Variants in EPHX4 observed in about 807,000 individuals in gnomAD.
EPHX4 encodes the protein epoxide hydrolase 4.
Under a neutral mutation model 44.9 loss-of-function variants are expected in EPHX4, and 31 were observed. The observed-to-expected ratio is 0.69, with a 90% confidence interval of 0.52 to 0.93. The LOEUF is 0.93. Among genes scored for constraint, EPHX4 ranks in the 40% least tolerant of loss-of-function variants. The pLI is 0.00. For missense variants in EPHX4, 373 were observed against 438.1 expected, an observed-to-expected ratio of 0.85 and a Z score of 1.33; for synonymous variants, 151 against 159.7, an observed-to-expected ratio of 0.95 and a Z score of 0.41.
intron 6 of EPHX4, 75 bp downstream of exon 6, chr1:92,052,733 G>A (rs1647286309): frequency 7.5e-7 from 1 of 1,328,558 alleles, no homozygotes; most frequent in Non-Finnish European, 1.0e-6. Flanking sequence ...TATTTTTAAG[G>A]TTAAGTTCAC....
At chr1:92,031,320 TAA>T (rs753189815) in intron 1 of EPHX4, among the ~76,000 whole-genome samples, 7 of 152,086 alleles carry the variant, frequency 4.6e-5, no homozygotes, top group Non-Finnish European at 8.8e-5. Context: ...TCACCACCAA[TAA>T]AAAAAGTTAT....
In EPHX4 at chr1:92,030,442, T is replaced by G. The variant is rs185722847; in HGVS notation, c.231+132T>G. ...GTCCTGGCAGGAGGGGAGGAGGGGT[T>G]GGGTCCCTGTGTGTCGTGTGTGTGT... On this transcript the variant is annotated intron_variant, in intron 1 of 6. Coordinates refer to ENST00000370383, the MANE Select transcript of EPHX4 (RefSeq NM_173567.5). 20 of 557,556 alleles carry G rather than the reference T, an allele frequency of 3.6e-5. No homozygotes were observed. In the African/African-American group the frequency reaches 4.0e-4, roughly 11 times the overall value. 34.5% of individuals were successfully genotyped at this position (557,556 alleles called of 1,614,324 possible).
At chr1:92,031,459 G>A (rs981641946) in intron 1 of EPHX4, among the ~76,000 whole-genome samples, 17 of 152,228 alleles carry the variant, frequency 1.1e-4, no homozygotes, top group African/African-American at 4.1e-4. Flanking sequence ...CCTCGCTCTG[G>A]CCGCCTAAAG....
intron 2 of EPHX4, among the ~76,000 whole-genome samples, chr1:92,041,796 T>A (rs1237684503): frequency 6.6e-6 from 1 of 152,216 alleles, no homozygotes; most frequent in Non-Finnish European, 1.5e-5. Context: ...ATCCCAGCAC[T>A]TTGGGAGGCT....
At chr1:92,046,166 G>A (rs570821071) in intron 4 of EPHX4, among the ~76,000 whole-genome samples, 47 of 152,220 alleles carry the variant, frequency 3.1e-4, no homozygotes, top group African/African-American at 1.1e-3. Context: ...ATATTTATAT[G>A]TTAATTCATC....
intron 6 of EPHX4, among the ~76,000 whole-genome samples, chr1:92,057,249 A>G (rs1330891018): frequency 6.6e-6 from 1 of 152,062 alleles, no homozygotes; most frequent in African/African-American, 2.4e-5. Context: ...AAAACCAAAA[A>G]CTGATTATAT....
At chr1:92,041,039 T>G (rs1311940720) in intron 2 of EPHX4, among the ~76,000 whole-genome samples, 2 of 152,078 alleles carry the variant, frequency 1.3e-5, no homozygotes, top group African/African-American at 2.4e-5. Context: ...CTTTTAAAAA[T>G]CCATGTCTTT....
intron 2 of EPHX4, among the ~76,000 whole-genome samples, chr1:92,035,244 C>A (rs1001961347): frequency 6.6e-6 from 1 of 152,138 alleles, no homozygotes; most frequent in Non-Finnish European, 1.5e-5. Context: ...CAGTGCAATT[C>A]GAGCATATGC....
intron 3 of EPHX4, 156 bp downstream of exon 3, chr1:92,043,136 G>C: frequency 1.8e-6 from 1 of 571,372 alleles, no homozygotes; most frequent in African/African-American, 1.9e-5. Flanking sequence ...CAAAATATCT[G>C]TACAGGAAAT....
intron 6 of EPHX4, among the ~76,000 whole-genome samples, chr1:92,058,842 C>T (rs771028866): frequency 7.9e-5 from 12 of 152,082 alleles, no homozygotes; most frequent in African/African-American, 1.4e-4. Flanking sequence ...GTAAGTAATA[C>T]GTTTGTAGTA....
At chr1:92,030,457 C>CGG in intron 1 of EPHX4, 147 bp downstream of exon 1, 1 of 157,552 alleles carries the variant, frequency 6.3e-6, no homozygotes, top group African/African-American at 4.6e-5. Context: ...CCCTGTGTGT[C>CGG]GTGTGTGTGT....
intron 1 of EPHX4, among the ~76,000 whole-genome samples, 173 bp downstream of exon 1, chr1:92,030,483 TGTGA>T (rs1553201380): frequency 7.2e-6 from 1 of 138,658 alleles, no homozygotes; most frequent in Non-Finnish European, 1.6e-5. Context: ...TGTGTGTGTG[TGTGA>T]GAGAGAGAGA....
chr1:92,060,038 AT>A (rs1176985286), intron 6 of EPHX4, among the ~76,000 whole-genome samples: 2 of 152,042 alleles, frequency 1.3e-5, no homozygotes, highest in Non-Finnish European at 2.9e-5. Context: ...TAATTTCACA[AT>A]TGATACAGAC....
rs553904867 is a variant in EPHX4, at chr1:92,050,498, G to T, written c.708+78G>T. The T allele has an allele frequency of 3.7e-5, 30 of 800,870 alleles. No individual in the cohort carries two copies. The African/African-American group carries it at 4.7e-4, about 13-fold the overall frequency. 49.6% of individuals were successfully genotyped at this position (800,870 alleles called of 1,614,324 possible). A position where few individuals can be genotyped will look rare whatever the true frequency, so the allele number is the denominator to read the frequency against. On this transcript the variant is annotated intron_variant, in intron 5 of 6. Coordinates refer to ENST00000370383, the MANE Select transcript of EPHX4 (RefSeq NM_173567.5). ...ATATTTTAAAGTCCACGTTTAAGAA[G>T]AATAATGAAAAATGAAAGGAAATTA...
At chr1:92,040,348 T>C (rs1688492680) in intron 2 of EPHX4, among the ~76,000 whole-genome samples, 1 of 150,786 alleles carries the variant, frequency 6.6e-6, no homozygotes, top group Admixed American at 6.6e-5. Flanking sequence ...GCAAATTTTT[T>C]TTTTTTTTTT....
intron 6 of EPHX4, among the ~76,000 whole-genome samples, chr1:92,054,318 CT>C (rs1647319370): frequency 6.6e-6 from 1 of 152,070 alleles, no homozygotes; most frequent in African/African-American, 2.4e-5. Context: ...AAATATCAAC[CT>C]GGGCCATGCC....
chr1:92,052,795 T>C, intron 6 of EPHX4, 137 bp downstream of exon 6: 1 of 737,464 alleles, frequency 1.4e-6, no homozygotes, highest in Non-Finnish European at 2.1e-6. Flanking sequence ...GTAAGTTGCA[T>C]AATCTTTTTA....
intron 4 of EPHX4, among the ~76,000 whole-genome samples, chr1:92,047,637 A>G (rs1173048410): frequency 2.6e-5 from 4 of 152,206 alleles, no homozygotes; most frequent in Non-Finnish European, 4.4e-5. Context: ...ATTAAATGTA[A>G]TTAATTAGTT....
At position 92,030,219 on chromosome 1, in the gene EPHX4, C is replaced by T. The variant is rs748136683; in HGVS notation, c.140C>T (p.Pro47Leu). 8 of 1,605,428 alleles carry T rather than the reference C, an allele frequency of 5.0e-6. No individual in the cohort carries two copies. The highest frequency in any genetic ancestry group is 6.8e-6 in the Non-Finnish European group (8 of 1,176,164). ...CTTTTGTGGAGCCTCGGCAAGGGGCCGGCGCAGACCTTCCGGCGGCCCGCC... is the reference window on the plus strand; with the variant it reads ...CTTTTGTGGAGCCTCGGCAAGGGGCTGGCGCAGACCTTCCGGCGGCCCGCC... The part of the protein sequence containing the change: ...LKLLWSLGKG[P>L]AQTFRRPARE... Residue 47 changes from proline (P) to leucine (L), a missense_variant, in exon 1 of 7, where the codon CCG (proline) becomes CTG (leucine). Physicochemically the swap from Pro to Leu is moderately conservative, Grantham distance 98. Coordinates refer to ENST00000370383, the MANE Select transcript of EPHX4 (RefSeq NM_173567.5).
Sources: gnomAD v4.1 joint callset for allele counts (sites outside exome capture counted in the v4.1 genomes callset) on GRCh38, gnomAD v4.1.1 for gene constraint, MANE v1.5 for transcripts, NCBI Gene and HGNC (gene_info 2026-07-23, HGNC 2026-07-21) for gene names.